Variants in SMURF1 observed in about 807,000 individuals in gnomAD.
SMURF1 encodes SMAD specific E3 ubiquitin protein ligase 1.
Under a neutral mutation model 98.0 loss-of-function variants are expected in SMURF1, and 44 were observed. The observed-to-expected ratio is 0.45, with a 90% CI of 0.35 to 0.58. The LOEUF (loss-of-function observed/expected upper bound fraction) is 0.58, where lower values mean the gene tolerates loss of function less well. Ranked by LOEUF, SMURF1 falls within the 20% of genes least tolerant of loss-of-function variation. The pLI is 0.00. For synonymous variants in SMURF1, 396 were observed against 374.9 expected (o/e 1.06, Z -0.65); for missense variants, 687 against 938.4 (o/e 0.73, Z 3.50).
intron 13 of SMURF1, 100 bp from the exon 14 acceptor site, chr7:99,038,625 A>T: frequency 7.0e-7 from 1 of 1,426,658 alleles, no homozygotes; most frequent in Non-Finnish European, 9.5e-7. Flanking sequence ...CCGGGGCTGC[A>T]AGACAGGACA....
intron 1 of SMURF1, among the ~76,000 whole-genome samples, chr7:99,123,993 A>G (rs1797696275): frequency 6.6e-6 from 1 of 152,202 alleles, no homozygotes; most frequent in African/African-American, 2.4e-5. Context: ...AGGCTTAAAG[A>G]TGAAGCACAT....
intron 1 of SMURF1, among the ~76,000 whole-genome samples, chr7:99,105,454 ACTACT>A (rs1392571098): frequency 1.3e-5 from 2 of 152,212 alleles, no homozygotes; most frequent in African/African-American, 4.8e-5. Flanking sequence ...ACAATTACAC[ACTACT>A]CTATACTATA....
chr7:99,081,877 T>A (rs1796584084), intron 1 of SMURF1, among the ~76,000 whole-genome samples: 1 of 152,240 alleles, frequency 6.6e-6, no homozygotes, highest in South Asian at 2.1e-4. Flanking sequence ...GGTCTCGAAC[T>A]CCTAACCTCA....
At chr7:99,135,404 A>G (rs1349096648) in intron 1 of SMURF1, among the ~76,000 whole-genome samples, 2 of 152,216 alleles carry the variant, frequency 1.3e-5, no homozygotes, top group Non-Finnish European at 2.9e-5. Flanking sequence ...AAGGAAATCA[A>G]CAGTCAAAAT....
At chr7:99,052,059 AG>A (rs1795766218) in intron 7 of SMURF1, 145 bp downstream of exon 7, 1 of 1,083,774 alleles carries the variant, frequency 9.2e-7, no homozygotes, top group Admixed American at 2.7e-5. Context: ...CGCTTGAGCT[AG>A]GGAGGTCAAG....
At chr7:99,063,875 C>G (rs1796126487) in intron 1 of SMURF1, among the ~76,000 whole-genome samples, 1 of 151,538 alleles carries the variant, frequency 6.6e-6, no homozygotes, top group Non-Finnish European at 1.5e-5. Context: ...CTCCTGGGAT[C>G]AAGCAATCCT....
rs1445831623 is a variant in SMURF1 at position 99,038,464 on chromosome 7, G to T, written c.1612C>A (p.Arg538=). 2.5e-6 allele frequency: 4 copies of T among 1,614,098 alleles called. No individual in the cohort carries two copies. Among genetic ancestry groups the T allele is most frequent in the African/African-American group, 1.3e-5 (1 of 74,952 alleles). The change falls in exon 14 of 18, where the codon CGG becomes AGG. Residue 538 remains arginine, a synonymous_variant. Coordinates refer to ENST00000361368, the MANE Select transcript of SMURF1 (RefSeq NM_181349.3). ...TFCVEHNAFG[R]ILQHELKPNG... is the part of the protein sequence containing the mutation. ...GGTTTCAGTTCATGCTGCAGGATCC[G>T]CCCGAAGGCGTTGTGTTCCACGCAG...
chr7:99,065,288 A>G (rs1414978044), intron 1 of SMURF1, among the ~76,000 whole-genome samples: 1 of 151,974 alleles, frequency 6.6e-6, no homozygotes, highest in Non-Finnish European at 1.5e-5. Flanking sequence ...GGGTCTCAGT[A>G]TGTTGCCCAG....
In SMURF1 at chr7:99,035,728, C is replaced by T. The variant is rs1213281623; in HGVS notation, c.1810-12G>A. 6.2e-7 allele frequency: 1 copy of T among 1,612,596 alleles called. No homozygotes were observed. Among genetic ancestry groups the T allele is most frequent in the African/African-American group, 1.3e-5 (1 of 75,036 alleles). ...CCGCCTATGATCAGCTGAGGAGGTG[C>T]AGAAAGGTGAATTACTTCCAAAATG... On this transcript the variant is annotated splice_polypyrimidine_tract_variant and intron_variant, in intron 15 of 17. Coordinates refer to ENST00000361368, the MANE Select transcript of SMURF1 (RefSeq NM_181349.3).
intron 1 of SMURF1, among the ~76,000 whole-genome samples, chr7:99,133,338 G>A (rs982084551): frequency 3.3e-5 from 5 of 151,368 alleles, no homozygotes; most frequent in Middle Eastern, 3.2e-3. Context: ...AGGACCTCCC[G>A]GTACATTTCT....
chr7:99,038,724 C>T (rs10081297), intron 13 of SMURF1, among the ~76,000 whole-genome samples, 199 bp from the exon 14 acceptor site: 9,068 of 152,124 alleles, frequency 0.06, 886 homozygotes, highest in African/African-American at 0.2. Context: ...CCAGATGTCC[C>T]GGCTCCTGGC....
chr7:99,053,479 G>A (rs1795809793), intron 6 of SMURF1, among the ~76,000 whole-genome samples: 1 of 152,050 alleles, frequency 6.6e-6, no homozygotes, highest in South Asian at 2.1e-4. Context: ...TTCTCCAATT[G>A]TCTCATAAAT....
intron 11 of SMURF1, 21 bp from the exon 12 acceptor site, chr7:99,042,253 T>C (rs776034887): frequency 1.3e-6 from 2 of 1,538,982 alleles, no homozygotes; most frequent in South Asian, 2.4e-5. Flanking sequence ...ACAACAAAAA[T>C]GCATTTGAGA....
chr7:99,137,874 G>A (rs1033667720), intron 1 of SMURF1, among the ~76,000 whole-genome samples: 9 of 152,306 alleles, frequency 5.9e-5, no homozygotes, highest in Admixed American at 1.3e-4. Context: ...AATTGCATCT[G>A]GAGACAAAAC....
intron 3 of SMURF1, among the ~76,000 whole-genome samples, chr7:99,058,273 G>T (rs1031028478): frequency 1.4e-4 from 22 of 151,984 alleles, no homozygotes; most frequent in African/African-American, 4.8e-4. Context: ...GAGATTACAG[G>T]CACCTGCCAC....
At chr7:99,049,315 T>G (rs1431808034) in intron 9 of SMURF1, 2 of 456,466 alleles carry the variant, frequency 4.4e-6, no homozygotes, top group Non-Finnish European at 7.9e-6. Context: ...CGCCTAATAC[T>G]GCCATCTCGG....
At chr7:99,105,569 G>A (rs555494800) in intron 1 of SMURF1, among the ~76,000 whole-genome samples, 1 of 152,266 alleles carries the variant, frequency 6.6e-6, no homozygotes, top group Admixed American at 6.5e-5. Flanking sequence ...TTATAGGTGA[G>A]AAAACTGAGG....
At chr7:99,102,457 C>T (rs1450331382) in intron 1 of SMURF1, among the ~76,000 whole-genome samples, 1 of 152,118 alleles carries the variant, frequency 6.6e-6, no homozygotes, top group South Asian at 2.1e-4. Context: ...TGAATTCTAT[C>T]TTAATATAGC....
At chr7:99,093,780 T>A (rs1406755358) in intron 1 of SMURF1, among the ~76,000 whole-genome samples, 1 of 152,060 alleles carries the variant, frequency 6.6e-6, no homozygotes, top group South Asian at 2.1e-4. Flanking sequence ...ATTTCAATTT[T>A]AAAAAACTAT....
Sources: allele counts gnomAD v4.1 joint callset (sites outside exome capture counted in the v4.1 genomes callset), GRCh38; gene constraint gnomAD v4.1.1; transcripts MANE v1.5; gene names NCBI Gene and HGNC (gene_info 2026-07-23, HGNC 2026-07-21).